The following SLC37A3 variants were observed in gnomAD, a reference collection of about 807,000 sequenced individuals.
The protein encoded by SLC37A3 is solute carrier family 37 member 3.
Under a neutral mutation model 67.1 loss-of-function variants are expected in SLC37A3, and 51 were observed. That is an observed-to-expected ratio of 0.76 (90% CI 0.61 to 0.96). The LOEUF is 0.96. Among genes scored for constraint, SLC37A3 ranks in the 40% least tolerant of loss-of-function variants. The pLI is 0.00. For synonymous variants in SLC37A3, 214 were observed against 231.4 expected (o/e 0.92, Z 0.68); for missense variants, 508 against 603.0 (o/e 0.84, Z 1.65).
At chr7:140,361,266 T>A (rs969966516) in intron 5 of SLC37A3, among the ~76,000 whole-genome samples, 9 of 151,402 alleles carry the variant, frequency 5.9e-5, no homozygotes, top group Non-Finnish European at 7.4e-5. Flanking sequence ...GCGGATCACC[T>A]GAGGTCGGGA....
intron 1 of SLC37A3, among the ~76,000 whole-genome samples, chr7:140,387,642 AAT>A (rs564503445): frequency 1.7e-5 from 2 of 119,400 alleles, no homozygotes; most frequent in African/African-American, 3.2e-5. Context: ...TATAAATATA[AAT>A]ATATATATTA....
rs550398440 is a variant in SLC37A3 at position 140,375,176 on chromosome 7, A to C, written c.198+5106T>G. 1.1e-3 allele frequency among the ~76,000 whole-genome samples: 121 copies of C among 108,542 alleles called. 1 individual carries two copies. Among genetic ancestry groups the C allele is most frequent in the African/African-American group, 5.3e-3 (114 of 21,524 alleles). The allele number at this position is 108,542 out of a possible 152,430, so 71.2% of individuals were successfully genotyped here. Reference sequence around the variant, plus strand: ...CTCAAAAAAAAAACAAAAAACAACAAAAAAAAAACAGGCTGGGTGCAGTGG... The same window carrying C: ...CTCAAAAAAAAAACAAAAAACAACACAAAAAAAACAGGCTGGGTGCAGTGG... On this transcript the variant is annotated intron_variant, in intron 3 of 14. Coordinates refer to ENST00000326232, the MANE Select transcript of SLC37A3 (RefSeq NM_207113.3).
intron 4 of SLC37A3, among the ~76,000 whole-genome samples, chr7:140,369,073 A>G (rs1482094377): frequency 1.3e-5 from 2 of 152,102 alleles, no homozygotes. Flanking sequence ...CCAAAACCCT[A>G]CAGATCTGAG....
At chr7:140,362,500 G>A (rs1389509786) in intron 5 of SLC37A3, among the ~76,000 whole-genome samples, 1 of 146,276 alleles carries the variant, frequency 6.8e-6, no homozygotes, top group Non-Finnish European at 1.5e-5. Flanking sequence ...CCCCTACCGG[G>A]AAGTGAGGAC....
intron 5 of SLC37A3, among the ~76,000 whole-genome samples, chr7:140,362,568 C>T (rs868210629): frequency 0.061 from 5,526 of 91,322 alleles, 9 homozygotes; most frequent in African/African-American, 0.097. Flanking sequence ...GCCCCCCGCC[C>T]GGCCAGCCGC....
chr7:140,389,830 C>A (rs1798654951), intron 1 of SLC37A3, among the ~76,000 whole-genome samples: 1 of 152,116 alleles, frequency 6.6e-6, no homozygotes, highest in Admixed American at 6.6e-5. Context: ...GAGTCCTTTC[C>A]AACCCAAATT....
chr7:140,396,021 T>C (rs1263350183), intron 1 of SLC37A3, among the ~76,000 whole-genome samples: 1 of 151,986 alleles, frequency 6.6e-6, no homozygotes, highest in Non-Finnish European at 1.5e-5. Context: ...CAACTATCTT[T>C]TTTTTTTTTT....
chr7:140,355,608 C>T (rs1375569006), intron 7 of SLC37A3, 60 bp downstream of exon 7: 5 of 1,388,560 alleles, frequency 3.6e-6, no homozygotes, highest in Non-Finnish European at 5.1e-6. Flanking sequence ...ACATAAAAAG[C>T]AATACACATG....
At chr7:140,355,461 G>A (rs575394478) in intron 7 of SLC37A3, among the ~76,000 whole-genome samples, 19 of 151,254 alleles carry the variant, frequency 1.3e-4, no homozygotes, top group Non-Finnish European at 2.5e-4. Context: ...TGATCCGCCT[G>A]CCTTGGCCTC....
intron 1 of SLC37A3, among the ~76,000 whole-genome samples, chr7:140,397,125 G>A (rs1180914911): frequency 2.1e-5 from 3 of 146,108 alleles, no homozygotes; most frequent in African/African-American, 7.5e-5. Context: ...ACTTGAACCC[G>A]GGAGGCGGAG....
intron 1 of SLC37A3, among the ~76,000 whole-genome samples, chr7:140,386,624 T>A (rs1345643925): frequency 6.6e-6 from 1 of 152,158 alleles, no homozygotes; most frequent in Non-Finnish European, 1.5e-5. Context: ...CCACTCTAAA[T>A]ACACACTGAA....
chr7:140,382,771 T>TAAA (rs201844351), intron 1 of SLC37A3, among the ~76,000 whole-genome samples, 175 bp from the exon 2 acceptor site: 1 of 136,776 alleles, frequency 7.3e-6, no homozygotes. Context: ...AGGTAGTTCT[T>TAAA]AAAAAAAAAA....
rs1288684666 is a variant in SLC37A3, at chr7:140,364,504, C to G, written c.292-13G>C. 6.2e-7 allele frequency: 1 copy of G among 1,611,436 alleles called. No individual in the cohort carries two copies. Among genetic ancestry groups the G allele is most frequent in the Non-Finnish European group, 8.5e-7 (1 of 1,178,454 alleles). On this transcript the variant is annotated splice_polypyrimidine_tract_variant and intron_variant, in intron 4 of 14. Transcript: ENST00000326232. ...TGATGAATAGGCCCTAAAAATAAAGCATTTTCTTTTACAGCTCTAAATAAT... is the reference window on the plus strand; with the variant it reads ...TGATGAATAGGCCCTAAAAATAAAGGATTTTCTTTTACAGCTCTAAATAAT...
At chr7:140,370,008 G>C (rs1460769017) in intron 3 of SLC37A3, among the ~76,000 whole-genome samples, 1 of 152,114 alleles carries the variant, frequency 6.6e-6, no homozygotes, top group African/African-American at 2.4e-5. Flanking sequence ...TACTCAAGAG[G>C]CTGAGGCACA....
Position 140,393,797 on chromosome 7 carries a change from C to T in SLC37A3, c.-71+4619G>A, listed in dbSNP as rs541927028. Among the ~76,000 whole-genome samples the T allele has an allele frequency of 2.0e-5, 3 of 152,262 alleles. No individual in the cohort carries two copies. The South Asian group carries it at 6.2e-4, about 32-fold the overall frequency. Reference sequence around the variant, plus strand: ...CATGTCTACTGTTCATCTGTAAGCTCCATAAAAGCAGTGGCTCTCTGTGTC... The same window carrying T: ...CATGTCTACTGTTCATCTGTAAGCTTCATAAAAGCAGTGGCTCTCTGTGTC... On this transcript the variant is annotated intron_variant, in intron 1 of 14. Coordinates refer to ENST00000326232, the MANE Select transcript of SLC37A3 (RefSeq NM_207113.3).
At chr7:140,354,107 G>A (rs1447016223) in intron 7 of SLC37A3, among the ~76,000 whole-genome samples, 1 of 152,206 alleles carries the variant, frequency 6.6e-6, no homozygotes, top group East Asian at 1.9e-4. Flanking sequence ...GCTTTCAACA[G>A]GTTTATCATG....
At chr7:140,377,223 T>G (rs921928403) in intron 3 of SLC37A3, among the ~76,000 whole-genome samples, 12 of 150,356 alleles carry the variant, frequency 8.0e-5, no homozygotes, top group Non-Finnish European at 1.5e-4. Context: ...TTTTTTTTTG[T>G]TTTGTTTTTG....
Position 140,334,341 on chromosome 7 carries a change from C to A in SLC37A3, c.*1071G>T, listed in dbSNP as rs1315836364. The A allele has an allele frequency of 6.6e-6, 1 of 152,114 alleles. No homozygotes were observed. 9.4% of individuals were successfully genotyped at this position (152,114 alleles called of 1,614,324 possible). On this transcript the variant is annotated 3_prime_UTR_variant, in exon 15 of 15. Transcript: ENST00000326232. Reference sequence around the variant, plus strand: ...ACGAGGCTAAGCTGTGGTGTCCAGTCAGGGGTATTAAATGCATTTGACTTC... The same window carrying A: ...ACGAGGCTAAGCTGTGGTGTCCAGTAAGGGGTATTAAATGCATTTGACTTC...
intron 6 of SLC37A3, among the ~76,000 whole-genome samples, chr7:140,358,368 A>C (rs959328850): frequency 5.9e-5 from 9 of 152,162 alleles, no homozygotes; most frequent in African/African-American, 2.2e-4. Flanking sequence ...GTAAAATAAA[A>C]AATTGAGACC....
Sources: gnomAD v4.1 joint callset for allele counts (sites outside exome capture counted in the v4.1 genomes callset) on GRCh38, gnomAD v4.1.1 for gene constraint, MANE v1.5 for transcripts, NCBI Gene and HGNC (gene_info 2026-07-23, HGNC 2026-07-21) for gene names.